MEIOB: variants seen among roughly 807,000 people sequenced by gnomAD.
MEIOB encodes meiosis-specific with OB domain-containing protein.
MEIOB carries 50 observed loss-of-function variants against 53.1 expected under a neutral mutation model. The ratio of observed to expected loss-of-function variants is 0.94; its 90% CI spans 0.75 to 1.19. The LOEUF (loss-of-function observed/expected upper bound fraction) is 1.19, where lower values mean the gene tolerates loss of function less well. MEIOB is among the 50% of genes most tolerant of loss of function. The probability of loss-of-function intolerance (pLI) is 0.00; values close to 1 mark genes in which losing one functional copy is unlikely to be tolerated. For synonymous variants in MEIOB, 192 were observed against 182.5 expected (o/e 1.05, Z -0.42); for missense variants, 551 against 550.8 (o/e 1.00, Z 0.00).
intron 1 of MEIOB, among the ~76,000 whole-genome samples, chr16:1,869,667 G>A (rs1487275348): frequency 1.3e-5 from 2 of 150,828 alleles, no homozygotes; most frequent in African/African-American, 4.9e-5. Flanking sequence ...TAGCCAGGAT[G>A]GTCTCCATCT....
intron 3 of MEIOB, among the ~76,000 whole-genome samples, chr16:1,863,141 G>C (rs962944972): frequency 2.0e-5 from 3 of 151,866 alleles, no homozygotes; most frequent in African/African-American, 7.3e-5. Flanking sequence ...AAGGTTGCTT[G>C]AGCCCAGTTT....
intron 9 of MEIOB, among the ~76,000 whole-genome samples, chr16:1,847,585 A>G (rs1899057436): frequency 6.6e-6 from 1 of 152,156 alleles, no homozygotes; most frequent in South Asian, 2.1e-4. Context: ...CCCCAAAAAA[A>G]AGAAGAAAAG....
chr16:1,848,543 CCTT>C (rs1899079252), intron 9 of MEIOB, among the ~76,000 whole-genome samples: 1 of 135,296 alleles, frequency 7.4e-6, no homozygotes, highest in Non-Finnish European at 1.5e-5. Flanking sequence ...TTTTTTTTTT[CCTT>C]TTTTTTTTTT....
Position 1,834,300 on chromosome 16 carries a change from G to A in MEIOB, c.1372C>T (p.Pro458Ser). The change falls in exon 14 of 14, where the codon CCT becomes TCT. Residue 458 changes from proline (P) to serine (S), a missense_variant. Transcript: ENST00000325962. The stretch of plus-strand genomic sequence containing the variant: ...GACAAGTTTCTGCTTGCCTCAGTAG[G>A]ATCTGCAAGCTTGCACGAGAGTACA... ...ISVLSCKLAD[P>S]TEASRNLSGQ... The A allele has an allele frequency of 1.2e-6, 2 of 1,612,878 alleles. No individual in the cohort carries two copies. Among genetic ancestry groups the A allele is most frequent in the Non-Finnish European group, 1.7e-6 (2 of 1,179,128 alleles).
At chr16:1,839,105 A>T in intron 12 of MEIOB, 150 bp downstream of exon 12, 1 of 842,768 alleles carries the variant, frequency 1.2e-6, no homozygotes, top group Non-Finnish European at 1.8e-6. Context: ...TCATCAAAGC[A>T]ATGTGTGTTT....
intron 11 of MEIOB, chr16:1,839,701 A>G (rs1898849296): frequency 2.6e-6 from 1 of 378,600 alleles, no homozygotes; most frequent in South Asian, 3.8e-5. Context: ...CTCGAGGTCC[A>G]TCCCAGTCTC....
At chr16:1,858,793 T>C (rs1458391871) in intron 5 of MEIOB, among the ~76,000 whole-genome samples, 1 of 152,154 alleles carries the variant, frequency 6.6e-6, no homozygotes, top group African/African-American at 2.4e-5. Context: ...AGATGAAAAA[T>C]AGTAAAACAT....
chr16:1,834,723 A>G (rs10468430), intron 13 of MEIOB, among the ~76,000 whole-genome samples: 27,036 of 146,922 alleles, frequency 0.18, 2,554 homozygotes, highest in South Asian at 0.28. Flanking sequence ...ACCTGAGGTC[A>G]GGAGTTCGAG....
At chr16:1,868,317 G>A (rs994847625) in intron 1 of MEIOB, 133 bp from the exon 2 acceptor site, 6 of 463,828 alleles carry the variant, frequency 1.3e-5, no homozygotes, top group African/African-American at 9.9e-5. Context: ...AGCACTTTGG[G>A]AGGCTGAAGT....
At chr16:1,835,505 GA>G (rs1254572972) in intron 13 of MEIOB, among the ~76,000 whole-genome samples, 9 of 151,820 alleles carry the variant, frequency 5.9e-5, no homozygotes, top group African/African-American at 1.9e-4. Context: ...AAGACTGAGA[GA>G]AAAAAAAGTA....
At chr16:1,868,364 C>T (rs1319675997) in intron 1 of MEIOB, among the ~76,000 whole-genome samples, 180 bp from the exon 2 acceptor site, 2 of 151,884 alleles carry the variant, frequency 1.3e-5, no homozygotes, top group South Asian at 2.1e-4. Context: ...CAAGACCAGC[C>T]TGGCCATCAT....
At chr16:1,850,700 C>T (rs945024965) in intron 9 of MEIOB, among the ~76,000 whole-genome samples, 2 of 151,946 alleles carry the variant, frequency 1.3e-5, no homozygotes, top group African/African-American at 2.4e-5. Flanking sequence ...GCAGGCAGAT[C>T]ACACGGTCAG....
At chr16:1,871,424 T>A in intron 1 of MEIOB, among the ~76,000 whole-genome samples, 1 of 129,200 alleles carries the variant, frequency 7.7e-6, no homozygotes, top group African/African-American at 2.9e-5. Context: ...TTTCACCGTG[T>A]TAGCCAGGAT....
chr16:1,837,106 C>CT (rs1262728614), intron 13 of MEIOB, among the ~76,000 whole-genome samples: 1 of 152,138 alleles, frequency 6.6e-6, no homozygotes, highest in Non-Finnish European at 1.5e-5. Flanking sequence ...ACCTTGAACA[C>CT]AAAGACTCGA....
intron 9 of MEIOB, among the ~76,000 whole-genome samples, chr16:1,845,467 C>T (rs1471425901): frequency 2.6e-5 from 4 of 152,028 alleles, no homozygotes; most frequent in Non-Finnish European, 4.4e-5. Flanking sequence ...TTGCAGTAAA[C>T]TGAGATAGCG....
intron 2 of MEIOB, among the ~76,000 whole-genome samples, chr16:1,867,462 A>ATTTTTTTTT (rs869208139): frequency 1.5e-4 from 15 of 102,928 alleles, no homozygotes; most frequent in East Asian, 2.8e-4. Context: ...AAATGGTTTA[A>ATTTTTTTTT]TTTTTTTTTT....
intron 9 of MEIOB, among the ~76,000 whole-genome samples, chr16:1,850,252 A>G (rs953631634): frequency 2.0e-5 from 3 of 152,150 alleles, no homozygotes; most frequent in Non-Finnish European, 2.9e-5. Flanking sequence ...CCCTTAGAGG[A>G]TGAAGATTTT....
intron 4 of MEIOB, among the ~76,000 whole-genome samples, chr16:1,861,783 C>T (rs970331277): frequency 1.3e-5 from 2 of 152,110 alleles, no homozygotes; most frequent in African/African-American, 4.8e-5. Context: ...AATCCACCCA[C>T]CTCAGCCTCC....
rs1014840112 is a variant in MEIOB at position 1,848,634 on chromosome 16, C to A, written c.779-3671G>T. 3.3e-5 allele frequency among the ~76,000 whole-genome samples: 5 copies of A among 150,928 alleles called. No individual in the cohort carries two copies. In the Admixed American group the frequency reaches 3.3e-4, roughly 10 times the overall value. ...CTCGACTCACTACAACATCCACCTC[C>A]CCGGCTGAAGCGATCCTCCTGCCTT... On this transcript the variant is annotated intron_variant, in intron 9 of 13. Coordinates refer to ENST00000325962, the MANE Select transcript of MEIOB (RefSeq NM_001163560.3).
Sources: allele counts gnomAD v4.1 joint callset (sites outside exome capture counted in the v4.1 genomes callset), GRCh38; gene constraint gnomAD v4.1.1; transcripts MANE v1.5; gene names NCBI Gene and HGNC (gene_info 2026-07-23, HGNC 2026-07-21).